Variants in PHACTR1 observed in about 807,000 individuals in gnomAD.
PHACTR1 encodes phosphatase and actin regulator 1.
PHACTR1 carries 16 observed loss-of-function variants against 69.2 expected under a neutral mutation model. That is an observed-to-expected ratio of 0.23 (90% CI 0.16 to 0.35). The LOEUF (loss-of-function observed/expected upper bound fraction) is 0.35, where lower values mean the gene tolerates loss of function less well. Among genes scored for constraint, PHACTR1 ranks in the 10% least tolerant of loss-of-function variants. PHACTR1 has a pLI of 1.00. For missense variants in PHACTR1, 510 were observed against 734.7 expected (o/e 0.69, Z 3.54); for synonymous variants, 312 against 284.5 (o/e 1.10, Z -0.97).
At chr6:13,151,858 G>GTTTTC (rs1281099840) in intron 5 of PHACTR1, among the ~76,000 whole-genome samples, 1 of 151,802 alleles carries the variant, frequency 6.6e-6, no homozygotes, top group Non-Finnish European at 1.5e-5. Flanking sequence ...GAAAAGGACT[G>GTTTTC]TTTTCTCTTG....
At chr6:13,034,160 G>C (rs1802916877) in intron 4 of PHACTR1, among the ~76,000 whole-genome samples, 1 of 152,088 alleles carries the variant, frequency 6.6e-6, no homozygotes, top group Non-Finnish European at 1.5e-5. Context: ...TGGGACTACA[G>C]GCGCCCGCCA....
intron 3 of PHACTR1, among the ~76,000 whole-genome samples, chr6:12,744,042 G>C (rs1765446959): frequency 6.6e-6 from 1 of 152,182 alleles, no homozygotes; most frequent in South Asian, 2.1e-4. Context: ...TGAACAACCT[G>C]CTCCTGAATG....
At chr6:13,184,752 C>T (rs1762619372) in intron 7 of PHACTR1, 1 of 1,343,656 alleles carries the variant, frequency 7.4e-7, no homozygotes. Context: ...CCCGCCTGCA[C>T]TGCGTTTGTG....
chr6:12,812,153 G>T (rs1411424306), intron 4 of PHACTR1, among the ~76,000 whole-genome samples: 2 of 152,062 alleles, frequency 1.3e-5, no homozygotes, highest in East Asian at 3.9e-4. Context: ...AGCAGTCACT[G>T]CCTGTTGTCC....
intron 4 of PHACTR1, among the ~76,000 whole-genome samples, chr6:12,844,040 T>G (rs1778953457): frequency 1.3e-5 from 2 of 152,230 alleles, no homozygotes; most frequent in Admixed American, 1.3e-4. Context: ...AACTAAAAGT[T>G]ATTTCTTAGT....
At chr6:12,867,227 C>T (rs2127434486) in intron 4 of PHACTR1, among the ~76,000 whole-genome samples, 1 of 152,306 alleles carries the variant, frequency 6.6e-6, no homozygotes, top group African/African-American at 2.4e-5. Flanking sequence ...ACTTGATCCC[C>T]ATCCTAGCAC....
intron 5 of PHACTR1, among the ~76,000 whole-genome samples, chr6:13,141,480 G>A (rs1822426802): frequency 6.6e-6 from 1 of 152,168 alleles, no homozygotes; most frequent in African/African-American, 2.4e-5. Flanking sequence ...TTCAAAATAA[G>A]TGTAAAAATA....
At chr6:12,801,527 A>G (rs953816549) in intron 4 of PHACTR1, among the ~76,000 whole-genome samples, 8 of 152,194 alleles carry the variant, frequency 5.3e-5, no homozygotes, top group Non-Finnish European at 1.2e-4. Flanking sequence ...GAATATTCTC[A>G]CTGCTTGGCT....
At chr6:13,054,035 G>A (rs1184709374) in intron 5 of PHACTR1, among the ~76,000 whole-genome samples, 2 of 152,136 alleles carry the variant, frequency 1.3e-5, no homozygotes, top group Non-Finnish European at 2.9e-5. Flanking sequence ...ATAACTGTAC[G>A]GTTTGTGGCT....
At chr6:12,907,237 A>G (rs1785843431) in intron 4 of PHACTR1, among the ~76,000 whole-genome samples, 1 of 152,232 alleles carries the variant, frequency 6.6e-6, no homozygotes, top group African/African-American at 2.4e-5. Context: ...TTAGAAGCTC[A>G]TATTACTAGT....
intron 5 of PHACTR1, among the ~76,000 whole-genome samples, chr6:13,141,726 T>TTC (rs1375871828): frequency 1.5e-4 from 21 of 144,176 alleles, no homozygotes; most frequent in East Asian, 9.8e-4. Flanking sequence ...TCTTCTTTCT[T>TTC]TTTTTTTTTT....
intron 4 of PHACTR1, among the ~76,000 whole-genome samples, chr6:12,847,655 T>A (rs567452916): frequency 6.6e-6 from 1 of 152,088 alleles, no homozygotes; most frequent in South Asian, 2.1e-4. Context: ...AGCCATCTAG[T>A]ATAAGAAAAA....
intron 4 of PHACTR1, among the ~76,000 whole-genome samples, chr6:12,837,202 T>C (rs1275080914): frequency 6.6e-6 from 1 of 152,212 alleles, no homozygotes; most frequent in Non-Finnish European, 1.5e-5. Context: ...CAGTAAAGAA[T>C]GATGATAAAA....
At chr6:13,282,792 A>C (rs1780581074) in intron 12 of PHACTR1, among the ~76,000 whole-genome samples, 2 of 152,218 alleles carry the variant, frequency 1.3e-5, no homozygotes, top group South Asian at 4.1e-4. Flanking sequence ...TGTCCCTGTC[A>C]CCTGGTGGGA....
At chr6:12,809,622 A>G (rs572951928) in intron 4 of PHACTR1, among the ~76,000 whole-genome samples, 29 of 152,324 alleles carry the variant, frequency 1.9e-4, no homozygotes, top group Non-Finnish European at 3.5e-4. Flanking sequence ...CAGTTTCTCC[A>G]TTTATAAAAA....
At chr6:12,756,855 T>C (rs933196819) in intron 4 of PHACTR1, among the ~76,000 whole-genome samples, 2 of 152,232 alleles carry the variant, frequency 1.3e-5, no homozygotes, top group African/African-American at 2.4e-5. Flanking sequence ...TATTAAATCA[T>C]GGTTTAATCA....
At chr6:13,234,985 G>A (rs1771771992) in intron 10 of PHACTR1, among the ~76,000 whole-genome samples, 1 of 152,144 alleles carries the variant, frequency 6.6e-6, no homozygotes, top group Admixed American at 6.5e-5. Flanking sequence ...TTTTTAATAT[G>A]GTTATTTGTG....
At chr6:13,062,535 C>T (rs1011362485) in intron 5 of PHACTR1, among the ~76,000 whole-genome samples, 14 of 152,048 alleles carry the variant, frequency 9.2e-5, no homozygotes, top group African/African-American at 3.1e-4. Flanking sequence ...AAATAAAACT[C>T]CTTGGATAGT....
intron 4 of PHACTR1, among the ~76,000 whole-genome samples, chr6:12,958,576 G>T (rs556547431): frequency 6.6e-6 from 1 of 152,290 alleles, no homozygotes; most frequent in South Asian, 2.1e-4. Flanking sequence ...TACGGGAACT[G>T]ATAACAGCTC....
Sources: gnomAD v4.1 joint callset for allele counts (sites outside exome capture counted in the v4.1 genomes callset) on GRCh38, gnomAD v4.1.1 for gene constraint, MANE v1.5 for transcripts, NCBI Gene and HGNC (gene_info 2026-07-23, HGNC 2026-07-21) for gene names.